The following SEMA3E variants were observed in gnomAD, a reference collection of about 807,000 sequenced individuals.
SEMA3E encodes the protein semaphorin-3E.
In SEMA3E, 49 loss-of-function variants were observed where a neutral mutation model predicts 93.6. The observed-to-expected ratio is 0.52, with a 90% CI of 0.42 to 0.66. The LOEUF (loss-of-function observed/expected upper bound fraction) is 0.66. SEMA3E is among the 30% of genes least tolerant of loss of function. The pLI, the probability that SEMA3E is intolerant of heterozygous loss-of-function variation, is 0.00. For missense variants in SEMA3E, 906 were observed against 964.8 expected (o/e 0.94, Z 0.81); for synonymous variants, 363 against 330.7 (o/e 1.10, Z -1.06).
At chr7:83,570,509 C>T (rs1792258877) in intron 1 of SEMA3E, among the ~76,000 whole-genome samples, 1 of 119,596 alleles carries the variant, frequency 8.4e-6, no homozygotes, top group African/African-American at 3.6e-5. Flanking sequence ...GCCGAGATCC[C>T]GCCACTGCAC....
rs1199313153 is a variant in SEMA3E, at chr7:83,405,498, G to A, written c.950C>T (p.Thr317Ile). 6.2e-7 allele frequency: 1 copy of A among 1,612,974 alleles called. No homozygotes were observed. The highest frequency in any genetic ancestry group is 8.5e-7 in the Non-Finnish European group (1 of 1,179,310). Residue 317 changes from threonine (T) to isoleucine (I), a missense_variant, in exon 9 of 17, where the codon ACC (threonine) becomes ATC (isoleucine). Coordinates refer to ENST00000643230, the MANE Select transcript of SEMA3E (RefSeq NM_012431.3). ...DELEDVFLLP[T>I]RDHKNPVIFG... ...TATCACTGGATTCTTATGATCTCTGGTAGGTAGCAAAAAAACGTCCTCTGA... is the reference window on the plus strand; with the variant it reads ...TATCACTGGATTCTTATGATCTCTGATAGGTAGCAAAAAAACGTCCTCTGA...
intron 4 of SEMA3E, among the ~76,000 whole-genome samples, chr7:83,437,491 C>T (rs1051350267): frequency 1.1e-4 from 16 of 151,866 alleles, no homozygotes; most frequent in African/African-American, 3.9e-4. Flanking sequence ...ATAACATAAA[C>T]TTTTTTTCAC....
At chr7:83,614,860 A>T (rs1793331561) in intron 1 of SEMA3E, among the ~76,000 whole-genome samples, 1 of 152,174 alleles carries the variant, frequency 6.6e-6, no homozygotes, top group Non-Finnish European at 1.5e-5. Context: ...CCAAAGGATG[A>T]CAGGGATGTG....
chr7:83,563,904 C>CA (rs1200219462), intron 1 of SEMA3E, among the ~76,000 whole-genome samples: 1 of 151,916 alleles, frequency 6.6e-6, no homozygotes, highest in East Asian at 1.9e-4. Flanking sequence ...TTCACTTCAC[C>CA]AAAAAATAAA....
intron 4 of SEMA3E, among the ~76,000 whole-genome samples, chr7:83,459,067 G>A (rs901698356): frequency 6.6e-6 from 1 of 150,666 alleles, no homozygotes; most frequent in African/African-American, 2.4e-5. Flanking sequence ...AAATTAGATG[G>A]AAAGAATAAC....
intron 1 of SEMA3E, among the ~76,000 whole-genome samples, chr7:83,584,393 A>G (rs1792576496): frequency 6.6e-6 from 1 of 152,172 alleles, no homozygotes; most frequent in South Asian, 2.1e-4. Context: ...CCAATCTTTG[A>G]TAAATTTATT....
At chr7:83,632,968 A>G (rs1325829112) in intron 1 of SEMA3E, among the ~76,000 whole-genome samples, 2 of 152,074 alleles carry the variant, frequency 1.3e-5, no homozygotes, top group Non-Finnish European at 2.9e-5. Flanking sequence ...TAGTCACTAA[A>G]ATTCCTACCC....
chr7:83,581,038 C>T (rs1792508416), intron 1 of SEMA3E, among the ~76,000 whole-genome samples: 1 of 151,858 alleles, frequency 6.6e-6, no homozygotes, highest in African/African-American at 2.4e-5. Context: ...AATTAAGCCT[C>T]ATAAATGTCT....
At chr7:83,584,942 C>T (rs1479902767) in intron 1 of SEMA3E, among the ~76,000 whole-genome samples, 1 of 152,094 alleles carries the variant, frequency 6.6e-6, no homozygotes, top group East Asian at 1.9e-4. Flanking sequence ...GCGTTTTCCC[C>T]TTACTACTGG....
intron 1 of SEMA3E, among the ~76,000 whole-genome samples, chr7:83,639,229 A>G (rs1793949169): frequency 6.6e-6 from 1 of 150,594 alleles, no homozygotes; most frequent in Admixed American, 6.6e-5. Flanking sequence ...CATGGACCAC[A>G]CTCTGTGTAG....
chr7:83,394,324 A>G lies in SEMA3E; in HGVS notation c.1473T>C (p.Ile491=). The stretch of plus-strand genomic sequence containing the variant: ...GCTTTGAAGAAATCTCCATAGAAAT[A>G]ATAGGAACTGGATCCTGAAATTTTA... ...ELQIFKDPVP[I]ISMEISSKRQ... The change falls in exon 13 of 17, where the codon ATT becomes ATC. Residue 491 remains isoleucine, a synonymous_variant. Transcript: ENST00000643230. 6.2e-7 allele frequency: 1 copy of G among 1,613,280 alleles called. No homozygotes were observed. Among genetic ancestry groups the G allele is most frequent in the East Asian group, 2.2e-5 (1 of 44,800 alleles).
intron 1 of SEMA3E, among the ~76,000 whole-genome samples, chr7:83,536,901 C>A (rs1351596563): frequency 3.9e-5 from 6 of 152,042 alleles, no homozygotes; most frequent in South Asian, 4.1e-4. Flanking sequence ...TATGTTGACA[C>A]CCTAACCCCA....
intron 1 of SEMA3E, among the ~76,000 whole-genome samples, chr7:83,584,666 CA>C (rs1792584527): frequency 6.6e-6 from 1 of 152,060 alleles, no homozygotes; most frequent in South Asian, 2.1e-4. Flanking sequence ...TGTCACTCCC[CA>C]GAGTAGCTAC....
At chr7:83,609,067 A>G (rs1004931619) in intron 1 of SEMA3E, among the ~76,000 whole-genome samples, 5 of 152,096 alleles carry the variant, frequency 3.3e-5, no homozygotes, top group Non-Finnish European at 7.4e-5. Context: ...AGTGTTATAT[A>G]AAGTGTATTT....
intron 1 of SEMA3E, among the ~76,000 whole-genome samples, chr7:83,513,775 T>C (rs1790873174): frequency 6.6e-6 from 1 of 152,162 alleles, no homozygotes; most frequent in African/African-American, 2.4e-5. Flanking sequence ...ATTAATAAAT[T>C]ATATATGCTT....
intron 1 of SEMA3E, among the ~76,000 whole-genome samples, chr7:83,609,419 G>C (rs1187288729): frequency 6.6e-6 from 1 of 151,896 alleles, no homozygotes; most frequent in Admixed American, 6.6e-5. Flanking sequence ...TGATTGAGTT[G>C]GCTAGCATCT....
intron 14 of SEMA3E, among the ~76,000 whole-genome samples, chr7:83,389,406 G>T (rs575520882): frequency 1.6e-5 from 2 of 125,940 alleles, no homozygotes; most frequent in African/African-American, 5.1e-5. Flanking sequence ...AGTGAGATGA[G>T]GATAAGGAAA....
At chr7:83,542,540 T>G (rs1173054323) in intron 1 of SEMA3E, among the ~76,000 whole-genome samples, 1 of 152,120 alleles carries the variant, frequency 6.6e-6, no homozygotes, top group Non-Finnish European at 1.5e-5. Context: ...ATGACTTTGT[T>G]CATTAGAATT....
chr7:83,532,859 GTTAA>G lies in SEMA3E; in HGVS notation c.116-42589_116-42586del, dbSNP rs890115114. On this transcript the variant is annotated intron_variant, in intron 1 of 16. Coordinates refer to ENST00000643230, the MANE Select transcript of SEMA3E (RefSeq NM_012431.3). ...TTGCTTCAACCATTTGTGTGTGTTT[GTTAA>G]TTAATTAACACGTGATGTGATCTGT... 5.1e-4 allele frequency among the ~76,000 whole-genome samples: 78 copies of G among 151,864 alleles called. 2 individuals are homozygous for G. Among genetic ancestry groups the G allele is most frequent in the African/African-American group, 1.8e-3 (74 of 41,428 alleles).
Sources: allele counts gnomAD v4.1 joint callset (sites outside exome capture counted in the v4.1 genomes callset), GRCh38; gene constraint gnomAD v4.1.1; transcripts MANE v1.5; gene names NCBI Gene and HGNC (gene_info 2026-07-23, HGNC 2026-07-21).